Variants in RARB observed in about 807,000 individuals in gnomAD.
RARB encodes the protein retinoic acid receptor beta.
A neutral mutation model predicts 51.9 loss-of-function variants in RARB; 17 were observed. The observed-to-expected ratio is 0.33, with a 90% CI of 0.22 to 0.49. The LOEUF is 0.49. Among genes scored for constraint, RARB ranks in the 20% least tolerant of loss-of-function variants. The probability of loss-of-function intolerance (pLI) is 0.99; values close to 1 mark genes in which losing one functional copy is unlikely to be tolerated. For missense variants in RARB, 369 were observed against 550.8 expected (o/e 0.67, Z 3.30); for synonymous variants, 215 against 195.4 (o/e 1.10, Z -0.84).
intron 2 of RARB, chr3:25,462,224 A>G (rs185080884): frequency 3.9e-5 from 6 of 152,368 alleles, no homozygotes; most frequent in Admixed American, 1.3e-4. Context: ...AGAGAGTAGT[A>G]TATGGCTGCT....
At chr3:25,307,165 C>A (rs1000357739) in intron 5 of RARB, among the ~76,000 whole-genome samples, 1 of 152,060 alleles carries the variant, frequency 6.6e-6, no homozygotes, top group Non-Finnish European at 1.5e-5. Flanking sequence ...CAATTGAGAA[C>A]CGGAGTTCAA....
chr3:24,991,999 C>A (rs991630169), intron 2 of RARB, among the ~76,000 whole-genome samples: 1 of 152,110 alleles, frequency 6.6e-6, no homozygotes, highest in African/African-American at 2.4e-5. Flanking sequence ...CATGCCACCC[C>A]TTGCCTGGGT....
At chr3:25,395,523 C>A (rs1707089863) in intron 5 of RARB, among the ~76,000 whole-genome samples, 1 of 152,132 alleles carries the variant, frequency 6.6e-6, no homozygotes, top group African/African-American at 2.4e-5. Context: ...TCTCTTCTTG[C>A]TTGGGAACAC....
chr3:25,166,454 G>A (rs1332442396), intron 4 of RARB, among the ~76,000 whole-genome samples: 1 of 150,342 alleles, frequency 6.7e-6, no homozygotes, highest in African/African-American at 2.4e-5. Flanking sequence ...GGAGGCTTGA[G>A]CTAAAATACA....
intron 1 of RARB, among the ~76,000 whole-genome samples, chr3:24,836,621 T>A (rs963045318): frequency 2.0e-5 from 3 of 152,212 alleles, no homozygotes; most frequent in Non-Finnish European, 2.9e-5. Context: ...CTCTTTATGA[T>A]CTGGCCCCTG....
intron 2 of RARB, among the ~76,000 whole-genome samples, chr3:24,890,294 C>CTT (rs1167132893): frequency 6.6e-6 from 1 of 152,182 alleles, no homozygotes; most frequent in African/African-American, 2.4e-5. Flanking sequence ...GTATTTCTAA[C>CTT]TTGTAGAGTC....
chr3:25,098,757 G>A (rs1699346514), intron 3 of RARB, among the ~76,000 whole-genome samples: 2 of 152,164 alleles, frequency 1.3e-5, no homozygotes, highest in South Asian at 4.1e-4. Context: ...CTTTACAGAA[G>A]TAGTTTACTG....
At chr3:24,880,079 T>C (rs1356563222) in intron 2 of RARB, among the ~76,000 whole-genome samples, 2 of 152,114 alleles carry the variant, frequency 1.3e-5, no homozygotes, top group African/African-American at 4.8e-5. Flanking sequence ...TTTTCCTCTA[T>C]TTTTTGCTTT....
chr3:25,563,689 A>G (rs752111941), intron 3 of RARB, among the ~76,000 whole-genome samples: 3 of 152,342 alleles, frequency 2.0e-5, no homozygotes, highest in Non-Finnish European at 2.9e-5. Flanking sequence ...TTTTTAACTA[A>G]AATTAAAGCA....
At chr3:24,977,739 C>A (rs185098256) in intron 2 of RARB, among the ~76,000 whole-genome samples, 3 of 152,264 alleles carry the variant, frequency 2.0e-5, no homozygotes, top group African/African-American at 7.2e-5. Flanking sequence ...ATCGAATACT[C>A]TTTATTTCTT....
intron 5 of RARB, among the ~76,000 whole-genome samples, chr3:25,199,896 C>A (rs1243974071): frequency 3.3e-5 from 5 of 152,132 alleles, no homozygotes; most frequent in Non-Finnish European, 7.4e-5. Flanking sequence ...AATAGTGCCA[C>A]AATAAACATA....
chr3:25,533,686 A>G (rs1699019066), intron 3 of RARB, among the ~76,000 whole-genome samples: 1 of 152,234 alleles, frequency 6.6e-6, no homozygotes, highest in Admixed American at 6.5e-5. Context: ...ACGATCCCAT[A>G]GAGGGAGCAA....
At chr3:25,257,695 T>G (rs1308311291) in intron 5 of RARB, among the ~76,000 whole-genome samples, 1 of 152,108 alleles carries the variant, frequency 6.6e-6, no homozygotes. Flanking sequence ...AGGCTCTATC[T>G]GCTCTCTATT....
At chr3:25,009,270 A>G (rs1697343712) in intron 2 of RARB, among the ~76,000 whole-genome samples, 1 of 152,174 alleles carries the variant, frequency 6.6e-6, no homozygotes, top group Admixed American at 6.6e-5. Flanking sequence ...CAGAAGATAC[A>G]TAGGTACTTC....
intron 5 of RARB, among the ~76,000 whole-genome samples, chr3:25,584,298 T>G (rs1701297603): frequency 6.6e-6 from 1 of 151,868 alleles, no homozygotes; most frequent in East Asian, 1.9e-4. Flanking sequence ...CTTCTCCTGG[T>G]GGGGGGACAC....
rs1702480057 is a variant in RARB, at chr3:24,845,868, T to C, written c.-458-12806T>C. The stretch of plus-strand genomic sequence containing the variant: ...GTGTCTCACAAGGTTGTTGTGAGAA[T>C]TAATGAATTATTTGGGGTGATTACC... On this transcript the variant is annotated intron_variant, in intron 1 of 11. Coordinates refer to the RARB transcript ENST00000383772. 2.0e-5 allele frequency among the ~76,000 whole-genome samples: 3 copies of C among 152,212 alleles called. 1 individual carries two copies. In the South Asian group the frequency reaches 6.2e-4, roughly 31 times the overall value.
At chr3:24,901,402 A>G (rs1703602053) in intron 2 of RARB, among the ~76,000 whole-genome samples, 1 of 152,194 alleles carries the variant, frequency 6.6e-6, no homozygotes. Flanking sequence ...TTTCATCTAT[A>G]TATTTATATT....
At chr3:25,202,491 C>G (rs1701419513) in intron 5 of RARB, among the ~76,000 whole-genome samples, 1 of 152,002 alleles carries the variant, frequency 6.6e-6, no homozygotes, top group Admixed American at 6.6e-5. Context: ...TTGAATGTGT[C>G]TGCTCTTGCT....
chr3:25,450,910 C>G (rs181530234), intron 1 of RARB, among the ~76,000 whole-genome samples: 1 of 152,050 alleles, frequency 6.6e-6, no homozygotes, highest in Non-Finnish European at 1.5e-5. Context: ...CATGGTGAAA[C>G]CCGGTTTCCA....
Sources: gnomAD v4.1 joint callset for allele counts (sites outside exome capture counted in the v4.1 genomes callset) on GRCh38, gnomAD v4.1.1 for gene constraint, MANE v1.5 for transcripts, NCBI Gene and HGNC (gene_info 2026-07-23, HGNC 2026-07-21) for gene names.